Variants in TRMT1L observed in about 807,000 individuals in gnomAD.
TRMT1L encodes the protein tRNA methyltransferase 1L, also known as tRNA (guanine(27)-N(2))-dimethyltransferase.
A neutral mutation model predicts 81.6 loss-of-function variants in TRMT1L; 28 were observed. The observed-to-expected ratio is 0.34, with a 90% CI of 0.25 to 0.47. TRMT1L has a LOEUF of 0.47. Ranked by LOEUF, TRMT1L falls within the 20% of genes least tolerant of loss-of-function variation. The pLI is 1.00. For synonymous variants in TRMT1L, 301 were observed against 303.2 expected, an observed-to-expected ratio of 0.99 and a Z score of 0.07; for missense variants, 739 against 877.1, an observed-to-expected ratio of 0.84 and a Z score of 1.99.
At position 185,156,525 on chromosome 1, in the gene TRMT1L, G is replaced by A; in HGVS notation, c.188C>T (p.Pro63Leu). The change falls in exon 1 of 15, where the codon CCG (proline) becomes CTG (leucine). Residue 63 changes from proline (P) to leucine (L), a missense_variant. Pro to Leu is a moderately conservative substitution (Grantham distance 98). Transcript: ENST00000367506. ...PAPAPALAQA[P>L]ALSPSLASAP... ...AGAGGCTAGGGACGGGGACAGGGCCGGAGCCTGGGCCAGGGCAGGGGCTGG... is the reference window on the plus strand; with the variant it reads ...AGAGGCTAGGGACGGGGACAGGGCCAGAGCCTGGGCCAGGGCAGGGGCTGG... 2.5e-6 allele frequency: 4 copies of A among 1,612,846 alleles called. No homozygotes were observed. Among genetic ancestry groups the A allele is most frequent in the Non-Finnish European group, 3.4e-6 (4 of 1,179,418 alleles).
Position 185,120,382 on chromosome 1 carries a change from CT to C in TRMT1L, c.1949del (p.Lys650SerfsTer2). ...RHSIKGMNMP[K>X]LKKFLCYLSQ... is the part of the protein sequence containing the mutation. ...ACTTTGTCATTCACTGGGTGTCTTA[CT>C]TTGGCATATTCATTCCTTTAATGCT... On this transcript the variant is annotated frameshift_variant and splice_region_variant, in exon 14 of 15. Transcript: ENST00000367506. LOFTEE classifies it high-confidence loss of function. 1 of 1,553,820 alleles carries C rather than the reference CT, an allele frequency of 6.4e-7. No individual in the cohort carries two copies. Among genetic ancestry groups the C allele is most frequent in the Non-Finnish European group, 8.7e-7 (1 of 1,154,086 alleles).
intron 7 of TRMT1L, among the ~76,000 whole-genome samples, chr1:185,140,879 G>A (rs1166576095): frequency 2.0e-5 from 3 of 151,156 alleles, no homozygotes; most frequent in Non-Finnish European, 2.9e-5. Flanking sequence ...ACTTTTGGGA[G>A]GCTGAGGTGG....
chr1:185,120,432 A>G lies in TRMT1L; in HGVS notation c.1900T>C (p.Phe634Leu). Residue 634 changes from phenylalanine (F) to leucine (L), a missense_variant, in exon 14 of 15, where the codon TTT becomes CTT. Phe to Leu is a conservative substitution (Grantham distance 22). Coordinates refer to ENST00000367506, the MANE Select transcript of TRMT1L (RefSeq NM_030934.5). ...KTDVSTEHPPFYYNIHRHSIK... is the reference protein window; with the variant it reads ...KTDVSTEHPPLYYNIHRHSIK... ...CTGTGTCTGTGAATGTTGTAATAAAAGGGAGGATGTTCAGTACTGACATCA... is the reference window on the plus strand; with the variant it reads ...CTGTGTCTGTGAATGTTGTAATAAAGGGGAGGATGTTCAGTACTGACATCA... The G allele has an allele frequency of 6.2e-7, 1 of 1,602,788 alleles. No individual in the cohort carries two copies.
chr1:185,156,835 G>A lies in TRMT1L; in HGVS notation c.-123C>T, dbSNP rs1653617318. On this transcript the variant is annotated 5_prime_UTR_variant, in exon 1 of 15. Transcript: ENST00000367506. ...GAGTGGGGAAGCAAGTGGGGAGGGC[G>A]GGATGCGTGCAACAGACAAAAGATG... 4.5e-6 allele frequency: 6 copies of A among 1,333,694 alleles called. No individual in the cohort carries two copies. In the African/African-American group the frequency reaches 6.0e-5, roughly 13 times the overall value. The allele number at this position is 1,333,694 out of a possible 1,614,324, so 82.6% of individuals were successfully genotyped here. A position where few individuals can be genotyped will look rare whatever the true frequency, so the allele number is the denominator to read the frequency against.
At chr1:185,137,044 G>C (rs1487154247) in intron 10 of TRMT1L, among the ~76,000 whole-genome samples, 3 of 151,892 alleles carry the variant, frequency 2.0e-5, no homozygotes, top group African/African-American at 7.3e-5. Flanking sequence ...AACATAGTAA[G>C]TGCTAAACTC....
intron 4 of TRMT1L, among the ~76,000 whole-genome samples, chr1:185,146,889 A>C (rs867696797): frequency 6.6e-5 from 10 of 152,018 alleles, no homozygotes; most frequent in African/African-American, 2.2e-4. Context: ...AGAAAAAACT[A>C]CTCTCTAAAT....
At chr1:185,120,332 T>C in intron 14 of TRMT1L, 51 bp downstream of exon 14, 2 of 1,460,152 alleles carry the variant, frequency 1.4e-6, no homozygotes, top group Non-Finnish European at 1.8e-6. Context: ...TAAATCACAA[T>C]ATTATTAAAA....
At chr1:185,133,010 A>G (rs1652811620) in intron 10 of TRMT1L, among the ~76,000 whole-genome samples, 1 of 152,222 alleles carries the variant, frequency 6.6e-6, no homozygotes, top group South Asian at 2.1e-4. Context: ...AATCCAAACT[A>G]CAACAGGAGG....
At position 185,156,449 on chromosome 1, in the gene TRMT1L, G is replaced by A. The variant is rs568564194; in HGVS notation, c.235+29C>T. 57 of 1,613,766 alleles carry A rather than the reference G, an allele frequency of 3.5e-5. No individual in the cohort carries two copies. In the East Asian group the frequency reaches 1.2e-3, roughly 34 times the overall value. On this transcript the variant is annotated intron_variant, in intron 1 of 14. Transcript: ENST00000367506. ...CAAGGCGCACTTTCTCTCTTCTGCA[G>A]CAGAAAGATCTGGGCCTTCTGCACT...
Position 185,156,539 on chromosome 1 carries a change from G to A in TRMT1L, c.174C>T (p.Ala58=), listed in dbSNP as rs779988771. Residue 58 remains alanine (A), a synonymous_variant, in exon 1 of 15, where the codon GCC becomes GCT. Coordinates refer to ENST00000367506, the MANE Select transcript of TRMT1L (RefSeq NM_030934.5). ...GGGACAGGGCCGGAGCCTGGGCCAG[G>A]GCAGGGGCTGGGGCTGGAGCCGAGG... ...TPASAPAPAP[A]LAQAPALSPS... 9.9e-6 allele frequency: 16 copies of A among 1,611,740 alleles called. No individual in the cohort carries two copies. Among genetic ancestry groups the A allele is most frequent in the Non-Finnish European group, 2.5e-6 (3 of 1,178,958 alleles).
Position 185,123,900 on chromosome 1 carries a change from A to C in TRMT1L, c.1779T>G (p.Ile593Met). 6.6e-7 allele frequency: 1 copy of C among 1,507,760 alleles called. No homozygotes were observed. Among genetic ancestry groups the C allele is most frequent in the Non-Finnish European group, 8.9e-7 (1 of 1,124,640 alleles). 93.4% of individuals were successfully genotyped at this position (1,507,760 alleles called of 1,614,324 possible). Residue 593 changes from isoleucine to methionine, a missense_variant, in exon 13 of 15, where the codon ATT becomes ATG. Transcript: ENST00000367506. ...VNKQEENGVF[I>M]KTTDDTTTDN... is the part of the protein sequence containing the mutation. ...CTGTTGTGGTGTCATCTGTAGTTTT[A>C]ATAAATACACCATTTTCTTCTAAAA...
At chr1:185,149,269 ACATTTAT>A (rs1408141189) in intron 3 of TRMT1L, among the ~76,000 whole-genome samples, 4 of 151,150 alleles carry the variant, frequency 2.6e-5, no homozygotes, top group Admixed American at 6.6e-5. Flanking sequence ...ATATCCTTGT[ACATTTAT>A]CCGTGCCTGT....
chr1:185,130,741 T>C (rs1652749156), intron 10 of TRMT1L, among the ~76,000 whole-genome samples: 1 of 152,170 alleles, frequency 6.6e-6, no homozygotes, highest in Non-Finnish European at 1.5e-5. Context: ...GCTAAACTAT[T>C]GAGGATATGA....
In TRMT1L at chr1:185,124,992, G is replaced by T; in HGVS notation, c.1711C>A (p.Pro571Thr). Residue 571 changes from proline to threonine, a missense_variant, in exon 12 of 15, where the codon CCT (proline) becomes ACT (threonine). Physicochemically the swap from Pro to Thr is conservative, Grantham distance 38. Transcript: ENST00000367506. Reference protein sequence around the residue: ...KTLIFESECTPQSQFSIHASS... With the variant: ...KTLIFESECTTQSQFSIHASS... ...GCATGAATTGAAAACTGACTTTGAG[G>T]CGTACACTCTGATTCAAAGATTAAT... The T allele has an allele frequency of 6.2e-7, 1 of 1,612,942 alleles. No individual in the cohort carries two copies. The highest frequency in any genetic ancestry group is 1.1e-5 in the South Asian group (1 of 90,920).
intron 10 of TRMT1L, among the ~76,000 whole-genome samples, chr1:185,129,100 C>T (rs1048082004): frequency 6.6e-6 from 1 of 152,058 alleles, no homozygotes; most frequent in Non-Finnish European, 1.5e-5. Context: ...CTGATATTTA[C>T]TTACTATACC....
chr1:185,146,578 C>T (rs1457068896), intron 4 of TRMT1L, among the ~76,000 whole-genome samples: 1 of 151,986 alleles, frequency 6.6e-6, no homozygotes, highest in Non-Finnish European at 1.5e-5. Context: ...TTTTTGTCAA[C>T]ACTATACTGC....
At chr1:185,152,075 A>G (rs1653372939) in intron 1 of TRMT1L, 140 bp from the exon 2 acceptor site, 1 of 477,248 alleles carries the variant, frequency 2.1e-6, no homozygotes, top group Non-Finnish European at 3.7e-6. Flanking sequence ...AACTCGGTTT[A>G]TAAAATAACA....
chr1:185,144,279 A>C (rs1441757982), intron 5 of TRMT1L, among the ~76,000 whole-genome samples: 2 of 152,054 alleles, frequency 1.3e-5, no homozygotes, highest in Non-Finnish European at 2.9e-5. Context: ...AATGAAAGTT[A>C]ATTTACTATC....
intron 13 of TRMT1L, 126 bp downstream of exon 13, chr1:185,123,728 TTTG>T (rs1268528808): frequency 8.3e-6 from 5 of 600,738 alleles, no homozygotes; most frequent in African/African-American, 5.9e-5. Context: ...TTACTACAGT[TTTG>T]TTGTCATATA....
Sources: allele counts gnomAD v4.1 joint callset (sites outside exome capture counted in the v4.1 genomes callset), GRCh38; gene constraint gnomAD v4.1.1; transcripts MANE v1.5; gene names NCBI Gene and HGNC (gene_info 2026-07-23, HGNC 2026-07-21).